The following ART3 variants were observed in gnomAD, a reference collection of about 807,000 sequenced individuals.
ART3 encodes ADP-ribosyltransferase 3 (inactive), also known as ecto-ADP-ribosyltransferase 3.
Under a neutral mutation model 48.5 loss-of-function variants are expected in ART3, and 49 were observed. That is an observed-to-expected ratio of 1.01 (90% CI 0.80 to 1.28). The LOEUF (loss-of-function observed/expected upper bound fraction) is 1.28. Ranked by LOEUF, ART3 falls within the 50% of genes most tolerant of loss-of-function variation. The pLI is 0.00. For missense variants in ART3, 438 were observed against 454.3 expected (o/e 0.96, Z 0.33); for synonymous variants, 145 against 157.2 (o/e 0.92, Z 0.58).
intron 3 of ART3, among the ~76,000 whole-genome samples, 177 bp from the exon 4 acceptor site, chr4:76,097,467 G>A (rs1343279696): frequency 6.6e-6 from 1 of 152,054 alleles, no homozygotes; most frequent in Admixed American, 6.6e-5. Context: ...TCAGCCTTTC[G>A]AAATGCTGGG....
intron 2 of ART3, among the ~76,000 whole-genome samples, chr4:76,077,374 A>G (rs79624394): frequency 0.12 from 17,865 of 152,184 alleles, 1,389 homozygotes; most frequent in East Asian, 0.35. Flanking sequence ...GTAATATTCT[A>G]TTTTATGGCC....
At position 76,050,010 on chromosome 4, in the gene ART3, G is replaced by A. The variant is rs182916375; in HGVS notation, c.-9-25871G>A. 1.8e-3 allele frequency among the ~76,000 whole-genome samples: 266 copies of A among 151,674 alleles called. 2 individuals carry two copies. Among genetic ancestry groups the A allele is most frequent in the African/African-American group, 5.6e-3 (230 of 41,406 alleles). ...CGGTGAGTGTTACAGCTCTTAAGGC[G>A]GCGCGTCTGGAGTTGTTCGTTCCTC... On this transcript the variant is annotated intron_variant, in intron 1 of 9. Transcript: ENST00000341029.
At chr4:76,076,794 T>C (rs1721183449) in intron 2 of ART3, among the ~76,000 whole-genome samples, 1 of 152,232 alleles carries the variant, frequency 6.6e-6, no homozygotes, top group East Asian at 1.9e-4. Context: ...ATTGACTCTT[T>C]AAGCATCCTG....
chr4:76,103,916 A>C, intron 8 of ART3, 21 bp from the exon 9 acceptor site: 2 of 1,610,346 alleles, frequency 1.2e-6, no homozygotes, highest in Non-Finnish European at 8.5e-7. Flanking sequence ...AATACAAACC[A>C]ATATTTATTT....
intron 3 of ART3, among the ~76,000 whole-genome samples, chr4:76,095,318 G>A (rs528961207): frequency 2.6e-4 from 40 of 152,152 alleles, no homozygotes; most frequent in African/African-American, 9.4e-4. Flanking sequence ...GACCAGCCTC[G>A]CCAACATGGT....
chr4:76,106,370 A>G (rs2149707225), intron 10 of ART3: 1 of 985,176 alleles, frequency 1.0e-6, no homozygotes, highest in Non-Finnish European at 1.2e-6. Context: ...TGTAAGAAAC[A>G]CGAAAAGGTG....
chr4:76,099,008 A>G, intron 5 of ART3, 21 bp downstream of exon 5: 1 of 1,602,716 alleles, frequency 6.2e-7, no homozygotes, highest in Non-Finnish European at 8.5e-7. Context: ...TCTAATTTTT[A>G]AAAATAATCT....
At chr4:76,096,970 G>T (rs1210315122) in intron 3 of ART3, among the ~76,000 whole-genome samples, 4 of 152,194 alleles carry the variant, frequency 2.6e-5, no homozygotes, top group Non-Finnish European at 4.4e-5. Context: ...AGGACGTTTA[G>T]TATCTGAAGA....
At chr4:76,030,086 G>A (rs527376175) in intron 1 of ART3, among the ~76,000 whole-genome samples, 2 of 152,038 alleles carry the variant, frequency 1.3e-5, no homozygotes, top group East Asian at 3.9e-4. Context: ...ATGGAGTCTC[G>A]CTCTATGTAG....
chr4:76,047,031 G>T (rs1404373910), intron 1 of ART3, among the ~76,000 whole-genome samples: 1 of 151,948 alleles, frequency 6.6e-6, no homozygotes, highest in African/African-American at 2.4e-5. Context: ...CAGTCCTGTT[G>T]TCGCATCATC....
chr4:76,052,957 G>A (rs1346195654), intron 1 of ART3, among the ~76,000 whole-genome samples: 1 of 151,930 alleles, frequency 6.6e-6, no homozygotes, highest in Admixed American at 6.6e-5. Flanking sequence ...TCAAACTCCT[G>A]GTCTTAAGCC....
chr4:76,059,072 G>A lies in ART3; in HGVS notation c.-9-16809G>A, dbSNP rs1420928899. Among the ~76,000 whole-genome samples, 3 of 152,204 alleles carry A rather than the reference G, an allele frequency of 2.0e-5. No individual in the cohort carries two copies. The East Asian group carries it at 5.8e-4, about 29-fold the overall frequency. ...GTGATTGGCACAAGAGTAGATTACA[G>A]TCTGTTTACACATCCAGTTAGGTTA... On this transcript the variant is annotated intron_variant, in intron 1 of 9. Coordinates refer to the ART3 transcript ENST00000341029.
At position 76,050,015 on chromosome 4, in the gene ART3, G is replaced by A. The variant is rs575347814; in HGVS notation, c.-9-25866G>A. Among the ~76,000 whole-genome samples, 144 of 147,000 alleles carry A rather than the reference G, an allele frequency of 9.8e-4. 1 individual carries two copies. Among genetic ancestry groups the A allele is most frequent in the Non-Finnish European group, 4.7e-4 (31 of 66,060 alleles). On this transcript the variant is annotated intron_variant, in intron 1 of 9. Coordinates refer to the ART3 transcript ENST00000341029. The stretch of plus-strand genomic sequence containing the variant: ...AGTGTTACAGCTCTTAAGGCGGCGC[G>A]TCTGGAGTTGTTCGTTCCTCCCGGT...
At chr4:76,068,872 G>A (rs1209673271) in intron 1 of ART3, among the ~76,000 whole-genome samples, 1 of 152,092 alleles carries the variant, frequency 6.6e-6, no homozygotes, top group South Asian at 2.1e-4. Context: ...TAAGAAATGA[G>A]GTCTCACTGT....
chr4:76,066,631 C>T (rs1719762533), intron 1 of ART3, among the ~76,000 whole-genome samples: 1 of 152,034 alleles, frequency 6.6e-6, no homozygotes, highest in South Asian at 2.1e-4. Context: ...ATTTATGGAC[C>T]TCAGAGGGGA....
chr4:76,084,106 T>C (rs371952112), intron 3 of ART3, among the ~76,000 whole-genome samples: 12 of 152,310 alleles, frequency 7.9e-5, no homozygotes, highest in African/African-American at 2.9e-4. Flanking sequence ...CCAAATCCTT[T>C]GACAGAAATA....
intron 1 of ART3, among the ~76,000 whole-genome samples, chr4:76,015,149 C>A (rs373271174): frequency 6.6e-6 from 1 of 152,160 alleles, no homozygotes; most frequent in East Asian, 1.9e-4. Flanking sequence ...AATATAAAAA[C>A]CAGTATTATT....
chr4:76,043,355 G>A (rs1443221444), intron 1 of ART3, among the ~76,000 whole-genome samples: 1 of 152,012 alleles, frequency 6.6e-6, no homozygotes, highest in Non-Finnish European at 1.5e-5. Flanking sequence ...GGTGGCACTC[G>A]TCAGGGAGGC....
At chr4:76,098,915 G>C in intron 4 of ART3, 40 bp from the exon 5 acceptor site, 2 of 1,546,736 alleles carry the variant, frequency 1.3e-6, no homozygotes, top group Non-Finnish European at 1.8e-6. Context: ...ATTCACATCT[G>C]AGCATAGTAC....
Sources: gnomAD v4.1 joint callset for allele counts (sites outside exome capture counted in the v4.1 genomes callset) on GRCh38, gnomAD v4.1.1 for gene constraint, MANE v1.5 for transcripts, NCBI Gene and HGNC (gene_info 2026-07-23, HGNC 2026-07-21) for gene names.